Variants in PXDNL observed in about 807,000 individuals in gnomAD.
PXDNL encodes the protein probable oxidoreductase PXDNL.
A neutral mutation model predicts 150.8 loss-of-function variants in PXDNL; 145 were observed. The ratio of observed to expected loss-of-function variants is 0.96; its 90% confidence interval spans 0.84 to 1.10. PXDNL has a LOEUF of 1.10. Ranked by LOEUF, PXDNL falls within the 50% of genes least tolerant of loss-of-function variation. PXDNL has a pLI of 0.00. For synonymous variants in PXDNL, 757 were observed against 725.7 expected, an observed-to-expected ratio of 1.04 and a Z score of -0.69; for missense variants, 2,087 against 1,873.9, an observed-to-expected ratio of 1.11 and a Z score of -2.10.
rs573127394 is a variant in PXDNL at position 51,502,982 on chromosome 8, G to A, written c.381-3212C>T. 5.9e-5 allele frequency among the ~76,000 whole-genome samples: 9 copies of A among 151,898 alleles called. No individual in the cohort carries two copies. In the South Asian group the frequency reaches 1.5e-3, roughly 25 times the overall value. On this transcript the variant is annotated intron_variant, in intron 4 of 22. Coordinates refer to ENST00000356297, the MANE Select transcript of PXDNL (RefSeq NM_144651.5). ...TTATCCACAGTAATTAATAATTATCGATTTAATATTTAAATATTTCACAGG... is the reference window on the plus strand; with the variant it reads ...TTATCCACAGTAATTAATAATTATCAATTTAATATTTAAATATTTCACAGG...
chr8:51,590,491 G>A (rs556582138), intron 3 of PXDNL, among the ~76,000 whole-genome samples: 18 of 152,330 alleles, frequency 1.2e-4, no homozygotes, highest in African/African-American at 4.3e-4. Flanking sequence ...GCCCAGCAAA[G>A]ACATGGGGTC....
rs555578610 is a variant in PXDNL at position 51,668,389 on chromosome 8, G to T, written c.165-13629C>A. On this transcript the variant is annotated intron_variant, in intron 1 of 22. Coordinates refer to ENST00000356297, the MANE Select transcript of PXDNL (RefSeq NM_144651.5). ...GGTGTTTCACCATGCTGGCCAGGCT[G>T]GTCTCGAACCCCTGACCTCAAGTGA... 3.0e-3 allele frequency among the ~76,000 whole-genome samples: 460 copies of T among 151,892 alleles called. 4 individuals are homozygous for T. The highest frequency in any genetic ancestry group is 6.1e-3 in the Admixed American group (93 of 15,228).
At chr8:51,744,696 A>AAG (rs2036956291) in intron 1 of PXDNL, among the ~76,000 whole-genome samples, 1 of 132,602 alleles carries the variant, frequency 7.5e-6, no homozygotes, top group African/African-American at 2.8e-5. Flanking sequence ...AAAAAAAAAA[A>AAG]GGAAGGAAAG....
At chr8:51,590,062 TG>T (rs1813409917) in intron 3 of PXDNL, among the ~76,000 whole-genome samples, 1 of 152,068 alleles carries the variant, frequency 6.6e-6, no homozygotes, top group South Asian at 2.1e-4. Context: ...ATACCTTCCA[TG>T]GACTTGCTGC....
At position 51,653,367 on chromosome 8, in the gene PXDNL, G is replaced by A. The variant is rs541184540; in HGVS notation, c.236+1322C>T. On this transcript the variant is annotated intron_variant, in intron 2 of 22. Transcript: ENST00000356297. ...CGGGAGGCACAGGTTGCAGTGAGCC[G>A]AGATTGTGCCACTGCATTCCAGCCT... is the stretch of plus-strand genomic sequence containing the variant. 4.4e-4 allele frequency among the ~76,000 whole-genome samples: 67 copies of A among 152,164 alleles called. No individual in the cohort carries two copies. The East Asian group carries it at 6.4e-3, about 15-fold the overall frequency.
chr8:51,647,528 T>C (rs926873858), intron 2 of PXDNL, among the ~76,000 whole-genome samples: 4 of 152,210 alleles, frequency 2.6e-5, no homozygotes, highest in Non-Finnish European at 4.4e-5. Context: ...ATTTGCATTA[T>C]GTAGAAAAAT....
chr8:51,678,545 T>G (rs1005130765), intron 1 of PXDNL, among the ~76,000 whole-genome samples: 1 of 150,946 alleles, frequency 6.6e-6, no homozygotes, highest in East Asian at 1.9e-4. Flanking sequence ...CCATAAAAAA[T>G]GATGAGTTCA....
At chr8:51,611,332 T>C (rs1191467625) in intron 2 of PXDNL, among the ~76,000 whole-genome samples, 1 of 152,210 alleles carries the variant, frequency 6.6e-6, no homozygotes, top group Admixed American at 6.5e-5. Context: ...ACTTCGATCA[T>C]GAAAAAAGAA....
chr8:51,652,851 G>T (rs879340370), intron 2 of PXDNL, among the ~76,000 whole-genome samples: 21 of 152,160 alleles, frequency 1.4e-4, no homozygotes, highest in Middle Eastern at 3.4e-3. Flanking sequence ...ATTATCCATG[G>T]TTTCTGCCAA....
intron 2 of PXDNL, among the ~76,000 whole-genome samples, chr8:51,626,441 C>G (rs1029007742): frequency 1.3e-5 from 2 of 152,110 alleles, no homozygotes; most frequent in African/African-American, 4.8e-5. Flanking sequence ...GGTGAGATTC[C>G]CAGTTTGGCT....
At chr8:51,592,394 G>A (rs905625158) in intron 3 of PXDNL, among the ~76,000 whole-genome samples, 4 of 152,124 alleles carry the variant, frequency 2.6e-5, no homozygotes, top group Non-Finnish European at 5.9e-5. Flanking sequence ...CTCCAATTTA[G>A]AACTTGTGGC....
intron 6 of PXDNL, among the ~76,000 whole-genome samples, chr8:51,483,362 A>G (rs1452892360): frequency 2.0e-5 from 3 of 152,182 alleles, no homozygotes; most frequent in Non-Finnish European, 4.4e-5. Context: ...AAGTCTTGGG[A>G]GCCTTTAGAT....
At chr8:51,793,396 A>T (rs1173039284) in intron 1 of PXDNL, among the ~76,000 whole-genome samples, 1 of 152,234 alleles carries the variant, frequency 6.6e-6, no homozygotes, top group East Asian at 1.9e-4. Context: ...TCAACAAAAA[A>T]ATGCTGGTAA....
chr8:51,523,107 C>A (rs1811696280), intron 4 of PXDNL, among the ~76,000 whole-genome samples: 1 of 151,980 alleles, frequency 6.6e-6, no homozygotes, highest in Non-Finnish European at 1.5e-5. Context: ...AAAAAACCAG[C>A]CAAGTATCCT....
intron 17 of PXDNL, among the ~76,000 whole-genome samples, chr8:51,394,000 A>G (rs79643473): frequency 6.6e-6 from 1 of 152,348 alleles, no homozygotes; most frequent in East Asian, 1.9e-4. Context: ...AAAAGCATCA[A>G]CTTTGGAATC....
chr8:51,455,131 A>AAAAAAAAAAAAAAAAAAG (rs1188033805), intron 9 of PXDNL, among the ~76,000 whole-genome samples: 10 of 91,808 alleles, frequency 1.1e-4, no homozygotes, highest in South Asian at 6.6e-4. Flanking sequence ...AAAAAAAAAA[A>AAAAAAAAAAAAAAAAAAG]AAGAGGTAAG....
rs34405190 is a variant in PXDNL at position 51,545,477 on chromosome 8, T to TA, written c.380+11362dup. 3.9e-5 allele frequency among the ~76,000 whole-genome samples: 6 copies of TA among 151,962 alleles called. 1 individual carries two copies. The highest frequency in any genetic ancestry group is 1.3e-4 in the Admixed American group (2 of 15,252). On this transcript the variant is annotated intron_variant, in intron 4 of 22. Transcript: ENST00000356297. Reference sequence around the variant, plus strand: ...GTCTTAGTTTGTTTTGTACTGCTCTTAAAAAAAATATCACAGACTGGGTAA... The same window carrying TA: ...GTCTTAGTTTGTTTTGTACTGCTCTTAAAAAAAAATATCACAGACTGGGTAA...
chr8:51,631,097 A>G (rs1814480784), intron 2 of PXDNL, among the ~76,000 whole-genome samples: 2 of 152,148 alleles, frequency 1.3e-5, no homozygotes, highest in Admixed American at 1.3e-4. Context: ...ATACCGTGCA[A>G]CCATTAAAAA....
intron 1 of PXDNL, among the ~76,000 whole-genome samples, chr8:51,743,931 G>A (rs1341083494): frequency 2.0e-5 from 1 of 50,924 alleles, no homozygotes; most frequent in Non-Finnish European, 5.3e-5. Flanking sequence ...AAGGAAGGAA[G>A]GAAGGAAGGA....
Sources: allele counts gnomAD v4.1 joint callset (sites outside exome capture counted in the v4.1 genomes callset), GRCh38; gene constraint gnomAD v4.1.1; transcripts MANE v1.5; gene names NCBI Gene and HGNC (gene_info 2026-07-23, HGNC 2026-07-21).